The following CUEDC1 variants were observed in gnomAD, a reference collection of about 807,000 sequenced individuals.
CUEDC1 encodes CUE domain containing 1, also known as CUE domain-containing protein 1.
In CUEDC1, 30 loss-of-function variants were observed where a neutral mutation model predicts 43.7. The observed-to-expected ratio is 0.69, with a 90% CI of 0.51 to 0.93. CUEDC1 has a LOEUF of 0.93. CUEDC1 is among the 40% of genes least tolerant of loss of function. The pLI, the probability that CUEDC1 is intolerant of heterozygous loss-of-function variation, is 0.00. For synonymous variants in CUEDC1, 223 were observed against 223.6 expected, an observed-to-expected ratio of 1.00 and a Z score of 0.02; for missense variants, 486 against 549.0, an observed-to-expected ratio of 0.89 and a Z score of 1.15.
intron 5 of CUEDC1, among the ~76,000 whole-genome samples, chr17:57,871,597 G>T (rs115352012): frequency 0.038 from 5,736 of 152,286 alleles, 393 homozygotes; most frequent in African/African-American, 0.13. Context: ...AAAGGACTCA[G>T]AGAGACTGTA....
intron 2 of CUEDC1, among the ~76,000 whole-genome samples, chr17:57,881,502 G>A (rs2074203430): frequency 6.6e-6 from 1 of 152,226 alleles, no homozygotes; most frequent in South Asian, 2.1e-4. Context: ...CTGAGAACTT[G>A]CTGCTGCTGT....
At chr17:57,926,074 G>C (rs1476400765) in intron 1 of CUEDC1, among the ~76,000 whole-genome samples, 2 of 152,210 alleles carry the variant, frequency 1.3e-5, no homozygotes, top group Non-Finnish European at 2.9e-5. Context: ...GGGATAACTA[G>C]AGAACTTCCT....
intron 2 of CUEDC1, among the ~76,000 whole-genome samples, 181 bp from the exon 3 acceptor site, chr17:57,879,919 A>G (rs530472097): frequency 2.6e-5 from 4 of 152,212 alleles, no homozygotes; most frequent in Non-Finnish European, 4.4e-5. Flanking sequence ...AGCTAAACAC[A>G]TGGCTACCTC....
intron 6 of CUEDC1, 100 bp from the exon 7 acceptor site, chr17:57,869,293 G>C (rs1034656530): frequency 9.7e-7 from 1 of 1,032,270 alleles, no homozygotes; most frequent in African/African-American, 1.6e-5. Flanking sequence ...AGAAAGAGCA[G>C]GCTTCTTCCC....
At chr17:57,924,695 G>C (rs1200595691) in intron 1 of CUEDC1, among the ~76,000 whole-genome samples, 1 of 152,110 alleles carries the variant, frequency 6.6e-6, no homozygotes, top group Non-Finnish European at 1.5e-5. Context: ...GCTCAAATGA[G>C]TGTCCCACTT....
chr17:57,938,684 C>CA (rs2143194804), intron 1 of CUEDC1, among the ~76,000 whole-genome samples: 2 of 151,790 alleles, frequency 1.3e-5, no homozygotes, highest in East Asian at 3.9e-4. Flanking sequence ...ATTTTTAAGA[C>CA]AGAGTTTTGC....
chr17:57,947,895 T>A (rs1223663640), intron 1 of CUEDC1, among the ~76,000 whole-genome samples: 1 of 152,164 alleles, frequency 6.6e-6, no homozygotes, highest in Non-Finnish European at 1.5e-5. Flanking sequence ...GAACATAATG[T>A]CAGGCCTTGA....
intron 1 of CUEDC1, among the ~76,000 whole-genome samples, chr17:57,948,646 A>C (rs2074979200): frequency 6.6e-6 from 1 of 152,212 alleles, no homozygotes; most frequent in Non-Finnish European, 1.5e-5. Flanking sequence ...TCTCCAGATG[A>C]AACCTCTTAA....
chr17:57,932,281 C>CGAAA (rs2074812423), intron 1 of CUEDC1, among the ~76,000 whole-genome samples: 1 of 121,948 alleles, frequency 8.2e-6, no homozygotes. Flanking sequence ...CACTGTGTCT[C>CGAAA]AAAAAAAAAA....
intron 4 of CUEDC1, among the ~76,000 whole-genome samples, chr17:57,873,339 G>A (rs2074062927): frequency 6.6e-6 from 1 of 152,158 alleles, no homozygotes; most frequent in African/African-American, 2.4e-5. Context: ...CCTCTCTCCA[G>A]CCTGAGGTGA....
At chr17:57,928,546 C>CAA (rs11411589) in intron 1 of CUEDC1, among the ~76,000 whole-genome samples, 15,924 of 86,480 alleles carry the variant, frequency 0.18, 1,480 homozygotes, top group South Asian at 0.27. Context: ...GACTCTGTCT[C>CAA]AAAAAAAAAA....
At chr17:57,942,047 G>C (rs2074921438) in intron 1 of CUEDC1, among the ~76,000 whole-genome samples, 2 of 152,196 alleles carry the variant, frequency 1.3e-5, no homozygotes, top group African/African-American at 4.8e-5. Context: ...TTCGGTGGCA[G>C]CCTTTACACT....
At chr17:57,944,191 TA>T (rs1284473807) in intron 1 of CUEDC1, among the ~76,000 whole-genome samples, 2 of 147,082 alleles carry the variant, frequency 1.4e-5, no homozygotes, top group Admixed American at 6.7e-5. Flanking sequence ...TATTATTATT[TA>T]TTTTTTTATA....
intron 1 of CUEDC1, among the ~76,000 whole-genome samples, chr17:57,936,883 T>G (rs1294333460): frequency 6.7e-6 from 1 of 150,268 alleles, no homozygotes; most frequent in Non-Finnish European, 1.5e-5. Context: ...TACAGTGGCG[T>G]GATCTCGGCT....
intron 1 of CUEDC1, among the ~76,000 whole-genome samples, chr17:57,915,742 C>T (rs940289206): frequency 4.6e-5 from 7 of 152,124 alleles, no homozygotes; most frequent in African/African-American, 1.4e-4. Flanking sequence ...GCTGTTTGGG[C>T]CAACACTTGA....
chr17:57,890,941 A>G (rs959127578), intron 1 of CUEDC1, among the ~76,000 whole-genome samples: 5 of 152,228 alleles, frequency 3.3e-5, no homozygotes, highest in Non-Finnish European at 7.3e-5. Flanking sequence ...ATTTGTAGAC[A>G]TAGGGGAGGA....
chr17:57,937,401 A>C (rs1271088488), intron 1 of CUEDC1, among the ~76,000 whole-genome samples: 1 of 152,012 alleles, frequency 6.6e-6, no homozygotes, highest in Non-Finnish European at 1.5e-5. Flanking sequence ...ACTTGAGCCC[A>C]GGGGTTCAAG....
chr17:57,928,650 G>A (rs1423138313), intron 1 of CUEDC1, among the ~76,000 whole-genome samples: 2 of 151,736 alleles, frequency 1.3e-5, no homozygotes, highest in African/African-American at 4.8e-5. Context: ...AGTCCTCTAC[G>A]TTTTCACGCA....
chr17:57,928,253 T>C (rs536646069), intron 1 of CUEDC1, among the ~76,000 whole-genome samples: 4 of 152,296 alleles, frequency 2.6e-5, no homozygotes, highest in South Asian at 4.1e-4. Context: ...GGAAAAAAGC[T>C]TAAGAACCTA....
Sources: gnomAD v4.1 joint callset for allele counts (sites outside exome capture counted in the v4.1 genomes callset) on GRCh38, gnomAD v4.1.1 for gene constraint, MANE v1.5 for transcripts, NCBI Gene and HGNC (gene_info 2026-07-23, HGNC 2026-07-21) for gene names.